Variants in ANAPC10 observed in about 807,000 individuals in gnomAD.
ANAPC10 encodes the protein anaphase promoting complex subunit 10.
Under a neutral mutation model 22.0 loss-of-function variants are expected in ANAPC10, and 12 were observed. That is an observed-to-expected ratio of 0.55 (90% confidence interval 0.35 to 0.88). The LOEUF (loss-of-function observed/expected upper bound fraction) is 0.88. Ranked by LOEUF, ANAPC10 falls within the 40% of genes least tolerant of loss-of-function variation. The pLI, the probability that ANAPC10 is intolerant of heterozygous loss-of-function variation, is 0.01. For synonymous variants in ANAPC10, 65 were observed against 69.5 expected, an observed-to-expected ratio of 0.94 and a Z score of 0.32; for missense variants, 188 against 220.9, an observed-to-expected ratio of 0.85 and a Z score of 0.94.
At chr4:145,095,962 C>CT (rs1191665553) in intron 2 of ANAPC10, 23 bp downstream of exon 2, 1 of 1,613,780 alleles carries the variant, frequency 6.2e-7, no homozygotes, top group African/African-American at 1.3e-5. Flanking sequence ...TTTCCAACAG[C>CT]TTTTTTGTTT....
intron 4 of ANAPC10, among the ~76,000 whole-genome samples, chr4:145,022,918 C>A (rs560902038): frequency 2.0e-5 from 3 of 151,860 alleles, no homozygotes; most frequent in African/African-American, 7.2e-5. Context: ...TACCTGTGCA[C>A]AACATGCAGG....
At chr4:145,065,776 C>T (rs1337437599) in intron 3 of ANAPC10, among the ~76,000 whole-genome samples, 2 of 151,826 alleles carry the variant, frequency 1.3e-5, no homozygotes, top group African/African-American at 4.8e-5. Flanking sequence ...AGAAGAATCA[C>T]ATTTGGGGGA....
At chr4:145,071,678 T>C (rs1211160728) in intron 3 of ANAPC10, among the ~76,000 whole-genome samples, 1 of 152,182 alleles carries the variant, frequency 6.6e-6, no homozygotes, top group Non-Finnish European at 1.5e-5. Context: ...AGGGTTATCT[T>C]AGTTTCTTTC....
At chr4:145,026,945 A>ATATATATATATATATG (rs1287102797) in intron 4 of ANAPC10, among the ~76,000 whole-genome samples, 11 of 17,148 alleles carry the variant, frequency 6.4e-4, no homozygotes, top group Non-Finnish European at 1.1e-3. Flanking sequence ...ATATATATAT[A>ATATATATATATATATG]TGTGTGTGTG....
chr4:145,074,265 C>T (rs1342851162), intron 3 of ANAPC10, among the ~76,000 whole-genome samples: 2 of 151,904 alleles, frequency 1.3e-5, no homozygotes, highest in Non-Finnish European at 2.9e-5. Context: ...CCCCTCTCTA[C>T]GTTAGGACTT....
At chr4:145,066,416 A>G (rs570907098) in intron 3 of ANAPC10, among the ~76,000 whole-genome samples, 2 of 152,142 alleles carry the variant, frequency 1.3e-5, no homozygotes, top group African/African-American at 2.4e-5. Flanking sequence ...GATGAGCCAT[A>G]AGCAGGAAGT....
chr4:145,043,387 G>A (rs1340890220), intron 4 of ANAPC10, among the ~76,000 whole-genome samples: 2 of 151,940 alleles, frequency 1.3e-5, no homozygotes, highest in African/African-American at 4.8e-5. Context: ...AAGTTATTGG[G>A]AATTCTACAC....
intron 2 of ANAPC10, among the ~76,000 whole-genome samples, chr4:145,084,099 T>C (rs1053890085): frequency 3.9e-5 from 6 of 152,148 alleles, no homozygotes; most frequent in Admixed American, 3.9e-4. Context: ...GTCATCTAGG[T>C]AGCTGGAACC....
chr4:145,059,847 A>C (rs545901356), intron 4 of ANAPC10, among the ~76,000 whole-genome samples: 1 of 152,202 alleles, frequency 6.6e-6, no homozygotes, highest in South Asian at 2.1e-4. Context: ...ATTGCTCTAA[A>C]TGATAAAAAA....
chr4:145,098,067 A>C (rs1299647417), intron 1 of ANAPC10, 53 bp downstream of exon 1: 2 of 155,404 alleles, frequency 1.3e-5, no homozygotes, highest in African/African-American at 4.8e-5. Flanking sequence ...AGGCGAATGC[A>C]TCTGTTTACG....
In ANAPC10 at chr4:145,067,750, G is replaced by C. The variant is rs80334958; in HGVS notation, c.207-3058C>G. On this transcript the variant is annotated intron_variant, in intron 3 of 4. Transcript: ENST00000507656. Reference sequence around the variant, plus strand: ...GTTTGGAACCCATGAAATTCTGATTGAAGACATTAGTGACATATTCCTAGT... The same window carrying C: ...GTTTGGAACCCATGAAATTCTGATTCAAGACATTAGTGACATATTCCTAGT... Among the ~76,000 whole-genome samples the C allele has an allele frequency of 4.4e-3, 666 of 152,266 alleles. 3 individuals carry two copies. Among genetic ancestry groups the C allele is most frequent in the African/African-American group, 0.015 (612 of 41,532 alleles).
chr4:145,016,499 T>C (rs1258654139), intron 4 of ANAPC10, among the ~76,000 whole-genome samples: 4 of 152,240 alleles, frequency 2.6e-5, no homozygotes, highest in Non-Finnish European at 4.4e-5. Flanking sequence ...GAACATTCCA[T>C]GCTCATGGAT....
chr4:145,064,943 C>G (rs1186955207), intron 3 of ANAPC10, among the ~76,000 whole-genome samples: 1 of 151,788 alleles, frequency 6.6e-6, no homozygotes, highest in Non-Finnish European at 1.5e-5. Context: ...CAGATGCAAG[C>G]AAAGAAGGAT....
chr4:145,002,385 G>A (rs1732707270), intron 4 of ANAPC10, among the ~76,000 whole-genome samples: 1 of 151,852 alleles, frequency 6.6e-6, no homozygotes, highest in South Asian at 2.1e-4. Flanking sequence ...TGAAGAAGGC[G>A]ACCACCTAAG....
chr4:145,097,453 G>A, intron 1 of ANAPC10: 1 of 1,281,634 alleles, frequency 7.8e-7, no homozygotes, highest in Non-Finnish European at 1.0e-6. Context: ...ACTGAACATT[G>A]TTATATATGC....
At chr4:145,097,344 C>T in intron 1 of ANAPC10, 1 of 530,122 alleles carries the variant, frequency 1.9e-6, no homozygotes, top group Non-Finnish European at 3.1e-6. Context: ...TCTTTCACAT[C>T]TTTTGTTAAT....
At chr4:145,050,434 A>C (rs1166483441) in intron 4 of ANAPC10, among the ~76,000 whole-genome samples, 2 of 152,344 alleles carry the variant, frequency 1.3e-5, no homozygotes, top group East Asian at 3.9e-4. Flanking sequence ...GATTATTAGA[A>C]TAGTGAGGGC....
chr4:145,055,186 C>T (rs1741867405), intron 4 of ANAPC10, among the ~76,000 whole-genome samples: 1 of 152,048 alleles, frequency 6.6e-6, no homozygotes. Flanking sequence ...TGGGAACAAC[C>T]CAAGTGACCA....
At chr4:145,007,868 CAA>C (rs141363598) in intron 4 of ANAPC10, among the ~76,000 whole-genome samples, 37,108 of 145,426 alleles carry the variant, frequency 0.26, 5,919 homozygotes, top group East Asian at 0.45. Flanking sequence ...AAAAACCCTT[CAA>C]AAAAAAAAAA....
Sources: gnomAD v4.1 joint callset for allele counts (sites outside exome capture counted in the v4.1 genomes callset) on GRCh38, gnomAD v4.1.1 for gene constraint, MANE v1.5 for transcripts, NCBI Gene and HGNC (gene_info 2026-07-23, HGNC 2026-07-21) for gene names.